Variants in SMARCAD1 observed in about 807,000 individuals in gnomAD.
SMARCAD1 encodes SNF2 related chromatin remodeling ATPase with DExD box 1.
A neutral mutation model predicts 127.1 loss-of-function variants in SMARCAD1; 25 were observed. The ratio of observed to expected loss-of-function variants is 0.20; its 90% CI spans 0.14 to 0.27. SMARCAD1 has a LOEUF of 0.27. Ranked by LOEUF, SMARCAD1 falls within the 10% of genes least tolerant of loss-of-function variation. The pLI is 1.00. For missense variants in SMARCAD1, 807 were observed against 1,206.0 expected (o/e 0.67, Z 4.90); for synonymous variants, 400 against 396.9 (o/e 1.01, Z -0.09).
At chr4:94,213,643 G>A (rs1742653220) in intron 2 of SMARCAD1, among the ~76,000 whole-genome samples, 1 of 152,058 alleles carries the variant, frequency 6.6e-6, no homozygotes, top group Non-Finnish European at 1.5e-5. Flanking sequence ...GGAGGCAACT[G>A]AGGGGAGTTG....
At chr4:94,226,873 T>C (rs1462441657) in intron 3 of SMARCAD1, among the ~76,000 whole-genome samples, 1 of 151,878 alleles carries the variant, frequency 6.6e-6, no homozygotes, top group Non-Finnish European at 1.5e-5. Flanking sequence ...CTTTTTTTTT[T>C]TCTTGTTTTT....
At chr4:94,250,274 T>C (rs1245184009) in intron 7 of SMARCAD1, among the ~76,000 whole-genome samples, 3 of 151,990 alleles carry the variant, frequency 2.0e-5, no homozygotes, top group African/African-American at 7.2e-5. Context: ...GAAGCACATA[T>C]TTGTTTAGCA....
At chr4:94,279,705 T>C (rs78569437) in intron 19 of SMARCAD1, among the ~76,000 whole-genome samples, 21,939 of 152,184 alleles carry the variant, frequency 0.14, 1,806 homozygotes, top group Non-Finnish European at 0.19. Flanking sequence ...AGGAACAGTT[T>C]GCTAACTCCT....
intron 23 of SMARCAD1, among the ~76,000 whole-genome samples, chr4:94,285,705 G>C (rs1007517502): frequency 6.6e-6 from 1 of 152,152 alleles, no homozygotes; most frequent in African/African-American, 2.4e-5. Context: ...ATAATTACTA[G>C]TCTTTCTTGC....
intron 21 of SMARCAD1, 145 bp from the exon 22 acceptor site, chr4:94,282,976 A>T: frequency 1.5e-6 from 1 of 673,362 alleles, no homozygotes; most frequent in Non-Finnish European, 2.5e-6. Context: ...CTCTTCAGTG[A>T]TATAGCCAGA....
intron 4 of SMARCAD1, among the ~76,000 whole-genome samples, chr4:94,236,136 AT>A (rs1286813061): frequency 6.6e-6 from 1 of 152,178 alleles, no homozygotes; most frequent in Non-Finnish European, 1.5e-5. Context: ...AAGAAGGCCA[AT>A]AGGATATATC....
At chr4:94,282,519 G>A (rs919277011) in intron 21 of SMARCAD1, among the ~76,000 whole-genome samples, 1 of 151,750 alleles carries the variant, frequency 6.6e-6, no homozygotes, top group African/African-American at 2.4e-5. Context: ...ACATTTTAAG[G>A]GTAATTAAAG....
At chr4:94,249,889 A>T in intron 7 of SMARCAD1, 134 bp downstream of exon 7, 1 of 645,294 alleles carries the variant, frequency 1.5e-6, no homozygotes, top group Non-Finnish European at 2.8e-6. Context: ...CCTTTTATCA[A>T]TGTTATAAAG....
chr4:94,207,752 G>A (rs1469702701), upstream of SMARCAD1: 4 of 211,820 alleles, frequency 1.9e-5, no homozygotes. Context: ...ACTGAGGGAA[G>A]AAAGAACAAG....
At chr4:94,264,980 T>G in intron 10 of SMARCAD1, 74 bp downstream of exon 10, 1 of 1,456,944 alleles carries the variant, frequency 6.9e-7, no homozygotes. Context: ...TTCTGTATCG[T>G]GCCTAGAAAG....
At chr4:94,255,031 G>A (rs1749848432) in intron 9 of SMARCAD1, among the ~76,000 whole-genome samples, 1 of 151,920 alleles carries the variant, frequency 6.6e-6, no homozygotes, top group Admixed American at 6.6e-5. Flanking sequence ...AATCAGTGAG[G>A]TTTGATAATG....
intron 9 of SMARCAD1, chr4:94,253,399 A>G (rs1330946615): frequency 1.6e-6 from 2 of 1,262,592 alleles, no homozygotes; most frequent in Non-Finnish European, 2.0e-6. Flanking sequence ...AAATTTTACT[A>G]CAACTACTTG....
intron 3 of SMARCAD1, 63 bp from the exon 4 acceptor site, chr4:94,233,891 T>C (rs550818828): frequency 1.8e-5 from 27 of 1,519,210 alleles, no homozygotes; most frequent in Middle Eastern, 1.7e-4. Flanking sequence ...ACATAGACAC[T>C]ATAATGAAAT....
At chr4:94,267,716 G>C (rs911017196) in intron 10 of SMARCAD1, among the ~76,000 whole-genome samples, 1 of 151,500 alleles carries the variant, frequency 6.6e-6, no homozygotes, top group Non-Finnish European at 1.5e-5. Flanking sequence ...TTTTTCCTTA[G>C]TGAGAGATAA....
chr4:94,270,652 T>TA, intron 10 of SMARCAD1, 76 bp from the exon 11 acceptor site: 1 of 1,292,422 alleles, frequency 7.7e-7, no homozygotes, highest in Non-Finnish European at 1.1e-6. Flanking sequence ...TTTTAGTTTT[T>TA]ATGTGCATTG....
chr4:94,213,677 T>C (rs1218651611), intron 2 of SMARCAD1, among the ~76,000 whole-genome samples: 5 of 152,098 alleles, frequency 3.3e-5, no homozygotes, highest in Admixed American at 6.6e-5. Context: ...TTTGATGATA[T>C]TAGGTGATCA....
Position 94,280,667 on chromosome 4 carries a change from G to A in SMARCAD1, c.2494G>A (p.Val832Ile), listed in dbSNP as rs778999358. The A allele has an allele frequency of 2.5e-6, 4 of 1,613,750 alleles. No homozygotes were observed. The highest frequency in any genetic ancestry group is 2.2e-5 in the South Asian group (2 of 91,068). The change falls in exon 20 of 24, where the codon GTA (valine) becomes ATA (isoleucine). Residue 832 changes from valine to isoleucine, a missense_variant. By Grantham distance (29) the Val-to-Ile change is conservative. Around this residue, in one of 8 missense-constraint regions of SMARCAD1, gnomAD observed 99 missense variants for 126.0 expected, o/e 0.79. Coordinates refer to ENST00000354268, the MANE Select transcript of SMARCAD1 (RefSeq NM_020159.5). ...AGTTATGACAGACTTCGAACTACATGTACTTTGTAAACAGTACCGACACAT... is the reference window on the plus strand; with the variant it reads ...AGTTATGACAGACTTCGAACTACATATACTTTGTAAACAGTACCGACACAT... ...MEVMTDFELH[V>I]LCKQYRHINN...
At chr4:94,234,619 G>T (rs544219190) in intron 4 of SMARCAD1, among the ~76,000 whole-genome samples, 8 of 152,188 alleles carry the variant, frequency 5.3e-5, no homozygotes, top group Non-Finnish European at 5.9e-5. Context: ...GAAATGTAAA[G>T]TGATGTTTAG....
At chr4:94,272,694 T>C (rs1193644048) in intron 11 of SMARCAD1, among the ~76,000 whole-genome samples, 1 of 152,202 alleles carries the variant, frequency 6.6e-6, no homozygotes, top group Non-Finnish European at 1.5e-5. Flanking sequence ...CTGTTTTTGT[T>C]TTTTTAAATT....
Sources: allele counts gnomAD v4.1 joint callset (sites outside exome capture counted in the v4.1 genomes callset), GRCh38; gene constraint gnomAD v4.1.1; regional missense constraint gnomAD v4.1.1; transcripts MANE v1.5; gene names NCBI Gene and HGNC (gene_info 2026-07-23, HGNC 2026-07-21).